Variants in DLGAP2 observed in about 807,000 individuals in gnomAD.
The protein encoded by DLGAP2 is DLG associated protein 2, also known as disks large-associated protein 2.
Under a neutral mutation model 100.3 loss-of-function variants are expected in DLGAP2, and 26 were observed. The observed-to-expected ratio is 0.26, with a 90% CI of 0.19 to 0.36. The LOEUF (loss-of-function observed/expected upper bound fraction) is 0.36. Among genes scored for constraint, DLGAP2 ranks in the 10% least tolerant of loss-of-function variants. DLGAP2 has a pLI of 1.00. For missense variants in DLGAP2, 1,858 were observed against 1,453.2 expected, an observed-to-expected ratio of 1.28 and a Z score of -4.53; for synonymous variants, 886 against 630.1, an observed-to-expected ratio of 1.41 and a Z score of -6.08.
chr8:1,103,832 T>G (rs966375709), intron 2 of DLGAP2, among the ~76,000 whole-genome samples: 2 of 152,210 alleles, frequency 1.3e-5, no homozygotes, highest in Middle Eastern at 3.4e-3. Context: ...TCTGCTGTAT[T>G]CAGGAGTGTG....
intron 1 of DLGAP2, among the ~76,000 whole-genome samples, chr8:849,769 C>A (rs1027485652): frequency 6.6e-6 from 1 of 152,148 alleles, no homozygotes; most frequent in Non-Finnish European, 1.5e-5. Flanking sequence ...CTGTTCAAAT[C>A]TTTTTCTCAC....
chr8:1,541,009 G>A (rs2130490401), intron 4 of DLGAP2, among the ~76,000 whole-genome samples: 1 of 151,588 alleles, frequency 6.6e-6, no homozygotes, highest in Non-Finnish European at 1.5e-5. Context: ...AACCAGCACA[G>A]GATTTTCTAC....
At chr8:1,669,622 GAGAGCCGGGCCCGTGCGGCGCTGGTAGCT>G (rs1216297922) in intron 9 of DLGAP2, 92 bp from the exon 10 acceptor site, 17 of 736,132 alleles carry the variant, frequency 2.3e-5, no homozygotes, top group Middle Eastern at 3.4e-4. Context: ...GGAGCGTGCT[GAGAGCCGGGCCCGTGCGGCGCTGGTAGCT>G]AGGCATGCGG....
At chr8:1,360,242 TTCTCC>T (rs1801950403) in intron 3 of DLGAP2, among the ~76,000 whole-genome samples, 1 of 135,328 alleles carries the variant, frequency 7.4e-6, no homozygotes, top group African/African-American at 2.7e-5. Context: ...GGGGCGGGGC[TTCTCC>T]GGGGCGGGGC....
chr8:1,670,779 A>G (rs1326057178), intron 10 of DLGAP2, among the ~76,000 whole-genome samples: 1 of 152,230 alleles, frequency 6.6e-6, no homozygotes, highest in African/African-American at 2.4e-5. Context: ...TTGAAAAGCT[A>G]CAGAGAAAAT....
chr8:1,031,400 T>A (rs1009454185), intron 2 of DLGAP2, among the ~76,000 whole-genome samples: 26 of 152,196 alleles, frequency 1.7e-4, no homozygotes, highest in African/African-American at 4.3e-4. Flanking sequence ...TTTTTTTTTT[T>A]AATTTTATTT....
intron 4 of DLGAP2, among the ~76,000 whole-genome samples, chr8:1,503,215 G>A (rs1035318195): frequency 3.9e-5 from 6 of 152,106 alleles, no homozygotes; most frequent in South Asian, 2.1e-4. Flanking sequence ...CTGTATAGCC[G>A]TCAGCACCTC....
intron 3 of DLGAP2, among the ~76,000 whole-genome samples, chr8:1,315,433 G>A (rs1382048631): frequency 0.023 from 2,796 of 121,078 alleles, 4 homozygotes; most frequent in African/African-American, 0.029. Flanking sequence ...TAGAGCGTGT[G>A]CGAGTGCAGC....
chr8:1,151,839 C>G (rs7831984), intron 2 of DLGAP2, among the ~76,000 whole-genome samples: 44,788 of 152,072 alleles, frequency 0.29, 7,384 homozygotes, highest in African/African-American at 0.45. Context: ...CTTTGGCTTT[C>G]TTTCTGGTTA....
At chr8:738,402 G>T (rs1025186534) in intron 1 of DLGAP2, 3 of 152,196 alleles carry the variant, frequency 2.0e-5, no homozygotes, top group African/African-American at 7.2e-5. Context: ...CCGAGACCAG[G>T]CGGAGTGGAG....
intron 2 of DLGAP2, among the ~76,000 whole-genome samples, chr8:1,102,000 G>A (rs1467400870): frequency 1.3e-5 from 2 of 151,994 alleles, no homozygotes; most frequent in Non-Finnish European, 2.9e-5. Flanking sequence ...AAGGAAAAAA[G>A]ATTTATGAAC....
chr8:786,643 G>A (rs556226624), intron 1 of DLGAP2, among the ~76,000 whole-genome samples: 5 of 152,164 alleles, frequency 3.3e-5, no homozygotes, highest in African/African-American at 9.6e-5. Flanking sequence ...CTGCCTCGGT[G>A]GTGCCTGCAG....
At chr8:1,506,512 A>G (rs534052719) in intron 4 of DLGAP2, among the ~76,000 whole-genome samples, 2 of 152,212 alleles carry the variant, frequency 1.3e-5, no homozygotes, top group African/African-American at 4.8e-5. Context: ...GTTGCAGCTC[A>G]TAAAAGGAGT....
chr8:1,293,803 C>A (rs1452069297), intron 3 of DLGAP2, among the ~76,000 whole-genome samples: 2 of 151,550 alleles, frequency 1.3e-5, no homozygotes, highest in Admixed American at 6.6e-5. Flanking sequence ...TAAACATTTT[C>A]TTTTTATTGG....
chr8:959,166 A>C (rs1799664490), intron 2 of DLGAP2, among the ~76,000 whole-genome samples: 3 of 152,192 alleles, frequency 2.0e-5, no homozygotes, highest in African/African-American at 7.2e-5. Context: ...TATATTTCCT[A>C]ATTTTTTAAT....
intron 6 of DLGAP2, chr8:1,604,493 C>A (rs1796729929): frequency 6.6e-6 from 1 of 152,180 alleles, no homozygotes; most frequent in Non-Finnish European, 1.5e-5. Context: ...CCTCACCCTT[C>A]TAAATTCCAT....
chr8:1,540,133 C>T (rs888867243), intron 4 of DLGAP2, among the ~76,000 whole-genome samples: 50 of 152,348 alleles, frequency 3.3e-4, no homozygotes, highest in Non-Finnish European at 2.1e-4. Context: ...GAACCCTCCA[C>T]CCAGGACCCT....
At chr8:1,633,345 G>C (rs918164138) in intron 8 of DLGAP2, among the ~76,000 whole-genome samples, 1 of 152,188 alleles carries the variant, frequency 6.6e-6, no homozygotes, top group African/African-American at 2.4e-5. Flanking sequence ...GCATTTGGAA[G>C]GTGATTAAGT....
chr8:794,595 CT>C (rs1303036492), intron 1 of DLGAP2, among the ~76,000 whole-genome samples: 2 of 152,212 alleles, frequency 1.3e-5, no homozygotes, highest in African/African-American at 4.8e-5. Context: ...TTAGGAATGC[CT>C]TTAAGTGGTT....
Sources: allele counts gnomAD v4.1 joint callset (sites outside exome capture counted in the v4.1 genomes callset), GRCh38; gene constraint gnomAD v4.1.1; transcripts MANE v1.5; gene names NCBI Gene and HGNC (gene_info 2026-07-23, HGNC 2026-07-21).